The following DLC1 variants were observed in gnomAD, a reference collection of about 807,000 sequenced individuals.
The protein encoded by DLC1 is DLC1 Rho GTPase activating protein.
A neutral mutation model predicts 140.3 loss-of-function variants in DLC1; 54 were observed. That is an observed-to-expected ratio of 0.38 (90% confidence interval 0.31 to 0.48). The LOEUF (loss-of-function observed/expected upper bound fraction) is 0.48. DLC1 is among the 20% of genes least tolerant of loss of function. The probability of loss-of-function intolerance (pLI) is 0.96; values close to 1 mark genes in which losing one functional copy is unlikely to be tolerated. For missense variants in DLC1, 2,536 were observed against 1,907.0 expected (o/e 1.33, Z -6.14); for synonymous variants, 986 against 728.1 (o/e 1.35, Z -5.70).
chr8:13,103,462 T>G (rs1006609595), intron 7 of DLC1, among the ~76,000 whole-genome samples: 1 of 152,156 alleles, frequency 6.6e-6, no homozygotes, highest in Non-Finnish European at 1.5e-5. Context: ...CAACTCTCAA[T>G]GAGTTGTTCT....
At chr8:13,163,079 G>A (rs1824841457) in intron 5 of DLC1, among the ~76,000 whole-genome samples, 1 of 152,060 alleles carries the variant, frequency 6.6e-6, no homozygotes, top group Non-Finnish European at 1.5e-5. Flanking sequence ...CATACAACCA[G>A]CACACATACA....
At chr8:13,219,188 A>T (rs1828408029) in intron 5 of DLC1, among the ~76,000 whole-genome samples, 1 of 129,482 alleles carries the variant, frequency 7.7e-6, no homozygotes, top group South Asian at 2.4e-4. Flanking sequence ...ATATGAATAT[A>T]ACTATATAAG....
At chr8:13,268,585 A>G (rs754365276) in intron 5 of DLC1, among the ~76,000 whole-genome samples, 2 of 152,072 alleles carry the variant, frequency 1.3e-5, no homozygotes, top group Non-Finnish European at 2.9e-5. Context: ...GAGTCTTGCT[A>G]TGTTGCCCAG....
chr8:13,301,199 AAGAG>A (rs750731303), intron 5 of DLC1, among the ~76,000 whole-genome samples: 205 of 152,062 alleles, frequency 1.3e-3, no homozygotes, highest in Non-Finnish European at 1.8e-3. Flanking sequence ...ACCTGTTTCC[AAGAG>A]AGAATTTCAG....
At chr8:13,394,309 T>C (rs1371083816) in intron 3 of DLC1, among the ~76,000 whole-genome samples, 1 of 152,234 alleles carries the variant, frequency 6.6e-6, no homozygotes, top group African/African-American at 2.4e-5. Context: ...TAGACACTCA[T>C]GGAGTTTCAT....
At chr8:13,370,772 C>A (rs145979369) in intron 4 of DLC1, among the ~76,000 whole-genome samples, 4 of 152,116 alleles carry the variant, frequency 2.6e-5, no homozygotes, top group African/African-American at 9.7e-5. Flanking sequence ...GCATCCCAAG[C>A]CTCATATTCT....
chr8:13,133,430 T>A lies in DLC1; in HGVS notation c.1349-17773A>T, dbSNP rs6988460. ...GGGCTGTTCTCCGGCCCCGCCCCATTCCCAGGCTCCGCCCCCCGCCCCTCT... is the reference window on the plus strand; with the variant it reads ...GGGCTGTTCTCCGGCCCCGCCCCATACCCAGGCTCCGCCCCCCGCCCCTCT... On this transcript the variant is annotated intron_variant, in intron 5 of 17. Transcript: ENST00000276297. 0.056 allele frequency: 26,229 copies of A among 469,338 alleles called. 1,088 individuals carry two copies. The highest frequency in any genetic ancestry group is 0.15 in the African/African-American group (6,419 of 42,840). 29.1% of individuals were successfully genotyped at this position (469,338 alleles called of 1,614,324 possible).
intron 4 of DLC1, among the ~76,000 whole-genome samples, chr8:13,366,381 T>C (rs1347921063): frequency 6.6e-6 from 1 of 152,194 alleles, no homozygotes; most frequent in African/African-American, 2.4e-5. Context: ...ACACTGTCCA[T>C]GGCCCCATGA....
chr8:13,437,941 T>TA (rs1330065203), intron 2 of DLC1, among the ~76,000 whole-genome samples: 78 of 143,684 alleles, frequency 5.4e-4, no homozygotes, highest in Non-Finnish European at 6.9e-4. Flanking sequence ...TCCAGGAAAC[T>TA]AAAAAAAAAA....
chr8:13,531,662 G>T (rs1803102648), intron 1 of DLC1, among the ~76,000 whole-genome samples: 1 of 152,076 alleles, frequency 6.6e-6, no homozygotes, highest in South Asian at 2.1e-4. Flanking sequence ...ATAATAGGTG[G>T]AATTTGAGGA....
chr8:13,544,980 C>G (rs1049124384), intron 1 of DLC1, among the ~76,000 whole-genome samples: 1 of 152,090 alleles, frequency 6.6e-6, no homozygotes, highest in Non-Finnish European at 1.5e-5. Context: ...TAATAGCACC[C>G]CCCCTGGAAC....
At chr8:13,457,781 C>G (rs1236610059) in intron 2 of DLC1, among the ~76,000 whole-genome samples, 1 of 151,776 alleles carries the variant, frequency 6.6e-6, no homozygotes, top group African/African-American at 2.4e-5. Context: ...GCCCTGATTC[C>G]CGATGATCCC....
intron 2 of DLC1, among the ~76,000 whole-genome samples, chr8:13,423,583 T>C (rs1034905000): frequency 3.3e-5 from 5 of 152,152 alleles, no homozygotes; most frequent in African/African-American, 1.2e-4. Context: ...TAAGGAGTAT[T>C]AATACTATGA....
chr8:13,556,202 G>A (rs1585270945), intron 1 of DLC1, among the ~76,000 whole-genome samples: 1 of 152,104 alleles, frequency 6.6e-6, no homozygotes, highest in South Asian at 2.1e-4. Context: ...GCTTTATGAT[G>A]CAAATTCTGA....
intron 1 of DLC1, among the ~76,000 whole-genome samples, chr8:13,546,449 A>G (rs1803651313): frequency 6.6e-6 from 1 of 152,128 alleles, no homozygotes; most frequent in African/African-American, 2.4e-5. Flanking sequence ...GAACTTAACA[A>G]AGGAAATTTT....
intron 5 of DLC1, among the ~76,000 whole-genome samples, chr8:13,160,451 C>T (rs116038126): frequency 0.012 from 1,768 of 152,286 alleles, 35 homozygotes; most frequent in African/African-American, 0.04. Flanking sequence ...TAATGTTTCT[C>T]ATCATCCCCA....
intron 2 of DLC1, among the ~76,000 whole-genome samples, chr8:13,429,634 A>G (rs750629625): frequency 3.9e-5 from 6 of 152,208 alleles, no homozygotes; most frequent in Non-Finnish European, 8.8e-5. Flanking sequence ...TGCCATGCCC[A>G]TGTCAGTGCA....
At chr8:13,298,554 C>T (rs907064431) in intron 5 of DLC1, among the ~76,000 whole-genome samples, 3 of 152,048 alleles carry the variant, frequency 2.0e-5, no homozygotes, top group African/African-American at 7.2e-5. Flanking sequence ...ATATTCTTAA[C>T]CTAGAAAAGT....
intron 5 of DLC1, among the ~76,000 whole-genome samples, chr8:13,165,965 A>G (rs116701938): frequency 0.024 from 3,631 of 152,228 alleles, 147 homozygotes; most frequent in African/African-American, 0.081. Context: ...GGGGTACAGT[A>G]GTCGATACTA....
Sources: allele counts gnomAD v4.1 joint callset (sites outside exome capture counted in the v4.1 genomes callset), GRCh38; gene constraint gnomAD v4.1.1; transcripts MANE v1.5; gene names NCBI Gene and HGNC (gene_info 2026-07-23, HGNC 2026-07-21).